Variants in DSCAM observed in about 807,000 individuals in gnomAD.
DSCAM encodes the protein cell adhesion molecule DSCAM.
Under a neutral mutation model 217.7 loss-of-function variants are expected in DSCAM, and 47 were observed. That is an observed-to-expected ratio of 0.22 (90% confidence interval 0.17 to 0.28). The LOEUF is 0.28. Ranked by LOEUF, DSCAM falls within the 10% of genes least tolerant of loss-of-function variation. The pLI, the probability that DSCAM is intolerant of heterozygous loss-of-function variation, is 1.00. For missense variants in DSCAM, 2,080 were observed against 2,618.3 expected (o/e 0.79, Z 4.49); for synonymous variants, 1,056 against 1,015.3 (o/e 1.04, Z -0.76).
chr21:40,492,255 T>C (rs1002751615), intron 3 of DSCAM, among the ~76,000 whole-genome samples: 1 of 152,180 alleles, frequency 6.6e-6, no homozygotes, highest in African/African-American at 2.4e-5. Context: ...AATTAAGAAA[T>C]TGGCTTGCTT....
rs371839421 is a variant in DSCAM at position 40,462,258 on chromosome 21, G to A, written c.509-93013C>T. Reference sequence around the variant, plus strand: ...TACTTCTATTAGAGCCTGGTACAGAGGCTCTCATGATGTGGCACCAAGACC... The same window carrying A: ...TACTTCTATTAGAGCCTGGTACAGAAGCTCTCATGATGTGGCACCAAGACC... On this transcript the variant is annotated intron_variant, in intron 3 of 32. Coordinates refer to ENST00000400454, the MANE Select transcript of DSCAM (RefSeq NM_001389.5). 2.6e-5 allele frequency among the ~76,000 whole-genome samples: 4 copies of A among 152,146 alleles called. No individual in the cohort carries two copies. In the East Asian group the frequency reaches 7.7e-4, roughly 29 times the overall value.
chr21:40,441,176 TC>T (rs2075627019), intron 3 of DSCAM, among the ~76,000 whole-genome samples: 2 of 152,136 alleles, frequency 1.3e-5, no homozygotes, highest in East Asian at 3.9e-4. Flanking sequence ...GAGCCCAGGT[TC>T]CAAGAAGGAG....
chr21:40,124,310 C>A lies in DSCAM; in HGVS notation c.3581G>T (p.Gly1194Val). The change falls in exon 20 of 33, where the codon GGT becomes GTT. Residue 1194 changes from glycine to valine, a missense_variant. Transcript: ENST00000400454. Reference sequence around the variant, plus strand: ...GGCTGAGGCCGCCGCTGCCTTCACACCCGCGGGAGGACCTGGAACTGGAAG... The same window carrying A: ...GGCTGAGGCCGCCGCTGCCTTCACAACCGCGGGAGGACCTGGAACTGGAAG... ...TKEDVPGPPA[G>V]VKAAAASASM... The A allele has an allele frequency of 6.2e-7, 1 of 1,613,982 alleles. No homozygotes were observed. The highest frequency in any genetic ancestry group is 8.5e-7 in the Non-Finnish European group (1 of 1,180,028).
chr21:40,562,505 T>C (rs2076728404), intron 3 of DSCAM, among the ~76,000 whole-genome samples: 1 of 152,184 alleles, frequency 6.6e-6, no homozygotes, highest in Non-Finnish European at 1.5e-5. Flanking sequence ...CACCACTCAC[T>C]CAGAGAAAGC....
At chr21:40,096,565 A>G (rs1191246354) in intron 20 of DSCAM, among the ~76,000 whole-genome samples, 1 of 152,206 alleles carries the variant, frequency 6.6e-6, no homozygotes, top group African/African-American at 2.4e-5. Context: ...TAACATGCAC[A>G]TAGTGGAGTT....
chr21:40,339,097 G>A (rs753905035), intron 7 of DSCAM, 22 bp downstream of exon 7: 6 of 1,607,178 alleles, frequency 3.7e-6, no homozygotes, highest in Non-Finnish European at 4.2e-6. Flanking sequence ...GTGTTTTTTT[G>A]AGGAGCTGAT....
At chr21:40,725,419 G>A (rs758814707) in intron 1 of DSCAM, among the ~76,000 whole-genome samples, 20 of 152,176 alleles carry the variant, frequency 1.3e-4, no homozygotes, top group Non-Finnish European at 1.9e-4. Context: ...AGAGGACATT[G>A]GGGAATACTG....
rs189203309 is a variant in DSCAM, at chr21:40,124,899, C to A, written c.3563-571G>T. Reference sequence around the variant, plus strand: ...GGGGAGTCTTCCCAACCCATTTCAGCCCCTGGCAACTTCCTGCCTCTGGAT... The same window carrying A: ...GGGGAGTCTTCCCAACCCATTTCAGACCCTGGCAACTTCCTGCCTCTGGAT... On this transcript the variant is annotated intron_variant, in intron 19 of 32. Coordinates refer to ENST00000400454, the MANE Select transcript of DSCAM (RefSeq NM_001389.5). 1.3e-4 allele frequency among the ~76,000 whole-genome samples: 20 copies of A among 152,284 alleles called. No homozygotes were observed. The East Asian group carries it at 3.5e-3, about 26-fold the overall frequency.
At chr21:40,422,432 C>A (rs1371714990) in intron 3 of DSCAM, among the ~76,000 whole-genome samples, 1 of 151,800 alleles carries the variant, frequency 6.6e-6, no homozygotes, top group East Asian at 1.9e-4. Context: ...GAGTTTGAGA[C>A]CAAATTGGCC....
Position 40,083,976 on chromosome 21 carries a change from G to A in DSCAM, c.4163C>T (p.Ser1388Phe). The A allele has an allele frequency of 6.2e-7, 1 of 1,613,690 alleles. No homozygotes were observed. The highest frequency in any genetic ancestry group is 1.1e-5 in the South Asian group (1 of 91,032). The change falls in exon 24 of 33, where the codon TCC becomes TTC. Residue 1388 changes from serine to phenylalanine, a missense_variant. Coordinates refer to ENST00000400454, the MANE Select transcript of DSCAM (RefSeq NM_001389.5). ...GGTGATGGAGGAAGACGTGGTCTTG[G>A]AGACTGTAAGCCGAGGCTGATCTGG... Reference protein sequence around the residue: ...VPPDQPRLTVSKTTSSSITLS... With the variant: ...VPPDQPRLTVFKTTSSSITLS...
At chr21:40,817,331 G>T (rs1807862858) in intron 1 of DSCAM, among the ~76,000 whole-genome samples, 1 of 152,132 alleles carries the variant, frequency 6.6e-6, no homozygotes, top group Non-Finnish European at 1.5e-5. Context: ...TTCTTCTCTG[G>T]AACAGGCCAC....
At chr21:40,546,108 A>C (rs754822835) in intron 3 of DSCAM, among the ~76,000 whole-genome samples, 52 of 152,208 alleles carry the variant, frequency 3.4e-4, no homozygotes, top group Non-Finnish European at 5.4e-4. Flanking sequence ...CCCTGCATGA[A>C]ACTCAGCGGG....
intron 11 of DSCAM, among the ~76,000 whole-genome samples, chr21:40,266,777 C>CATATATATATATATATATATAT (rs10684678): frequency 9.2e-6 from 1 of 109,100 alleles, no homozygotes. Flanking sequence ...TTTTCACATG[C>CATATATATATATATATATATAT]ATATATATAT....
chr21:40,169,137 G>A (rs1188357684), intron 15 of DSCAM, among the ~76,000 whole-genome samples: 1 of 152,100 alleles, frequency 6.6e-6, no homozygotes, highest in Non-Finnish European at 1.5e-5. Context: ...TGGAGTGAGT[G>A]GGGCAAAGGA....
At chr21:40,752,056 T>G (rs1021241302) in intron 1 of DSCAM, among the ~76,000 whole-genome samples, 4 of 152,252 alleles carry the variant, frequency 2.6e-5, no homozygotes, top group East Asian at 1.9e-4. Flanking sequence ...TAGACAAAAC[T>G]CCAAGAAGAG....
intron 3 of DSCAM, chr21:40,384,724 AG>A (rs1279862138): frequency 6.6e-6 from 1 of 152,432 alleles, no homozygotes; most frequent in Non-Finnish European, 1.5e-5. Context: ...GTGTCGCTAC[AG>A]GGGATCTCTC....
rs78256213 is a variant in DSCAM at position 40,488,628 on chromosome 21, C to T, written c.509-119383G>A. Reference sequence around the variant, plus strand: ...AATCAAATCATCTCACTAAAGACGCCACTGTGACAAGGGTTCCCTTGGGAA... The same window carrying T: ...AATCAAATCATCTCACTAAAGACGCTACTGTGACAAGGGTTCCCTTGGGAA... On this transcript the variant is annotated intron_variant, in intron 3 of 32. Transcript: ENST00000400454. Among the ~76,000 whole-genome samples, 1,115 of 152,232 alleles carry T rather than the reference C, an allele frequency of 7.3e-3. 13 individuals are homozygous for T. The highest frequency in any genetic ancestry group is 0.025 in the African/African-American group (1,058 of 41,518).
intron 1 of DSCAM, among the ~76,000 whole-genome samples, chr21:40,837,294 G>A (rs2092064966): frequency 6.6e-6 from 1 of 152,164 alleles, no homozygotes; most frequent in African/African-American, 2.4e-5. Flanking sequence ...CAATGGGGCG[G>A]TAGAGGTATG....
intron 3 of DSCAM, among the ~76,000 whole-genome samples, chr21:40,397,624 G>A (rs1479683268): frequency 1.3e-5 from 2 of 152,058 alleles, no homozygotes; most frequent in African/African-American, 4.8e-5. Context: ...CTCAGTGATT[G>A]GCATTCATGT....
Sources: gnomAD v4.1 joint callset for allele counts (sites outside exome capture counted in the v4.1 genomes callset) on GRCh38, gnomAD v4.1.1 for gene constraint, MANE v1.5 for transcripts, NCBI Gene and HGNC (gene_info 2026-07-23, HGNC 2026-07-21) for gene names.